CPA6: variants seen among roughly 807,000 people sequenced by gnomAD.
CPA6 encodes carboxypeptidase B.
Under a neutral mutation model 63.3 loss-of-function variants are expected in CPA6, and 58 were observed. The observed-to-expected ratio is 0.92, with a 90% CI of 0.74 to 1.14. The LOEUF is 1.14. CPA6 is among the 50% of genes most tolerant of loss of function. The pLI is 0.00. For synonymous variants in CPA6, 185 were observed against 179.0 expected (o/e 1.03, Z -0.27); for missense variants, 565 against 526.6 (o/e 1.07, Z -0.71).
chr8:67,692,328 CAAAA>C (rs55676882), intron 1 of CPA6, among the ~76,000 whole-genome samples: 44,254 of 89,104 alleles, frequency 0.5, 8,535 homozygotes, highest in African/African-American at 0.68. Flanking sequence ...AATCCTGTCT[CAAAA>C]AAAAAAAAAA....
At chr8:67,629,844 C>T (rs989373215) in intron 1 of CPA6, among the ~76,000 whole-genome samples, 7 of 152,160 alleles carry the variant, frequency 4.6e-5, no homozygotes, top group South Asian at 2.1e-4. Context: ...TGGTGGCTCA[C>T]ACCTGTAATC....
chr8:67,677,662 G>T (rs1207815893), intron 1 of CPA6, among the ~76,000 whole-genome samples: 1 of 152,036 alleles, frequency 6.6e-6, no homozygotes, highest in Non-Finnish European at 1.5e-5. Flanking sequence ...AGATACAAGT[G>T]TAAAGATATA....
rs1027036161 is a variant in CPA6, at chr8:67,616,426, T to C, written c.192+7750A>G. Among the ~76,000 whole-genome samples the C allele has an allele frequency of 9.2e-5, 14 of 152,024 alleles. No homozygotes were observed. The East Asian group carries it at 2.7e-3, about 29-fold the overall frequency. ...CTAAAGATGATCAGGGCCAGAACTA[T>C]AGAAGTGGCCTTAAGACTGCAGAGG... On this transcript the variant is annotated intron_variant, in intron 2 of 10. Transcript: ENST00000297770.
At chr8:67,596,531 CT>C (rs547099824) in intron 2 of CPA6, among the ~76,000 whole-genome samples, 14,849 of 141,660 alleles carry the variant, frequency 0.1, 768 homozygotes, top group Middle Eastern at 0.19. Context: ...GAATTTATTT[CT>C]TTTTTTTTTT....
chr8:67,624,890 G>A lies in CPA6; in HGVS notation c.117-639C>T, dbSNP rs1815162115. Among the ~76,000 whole-genome samples the A allele has an allele frequency of 1.3e-5, 2 of 152,098 alleles. 1 individual carries two copies. Among genetic ancestry groups the A allele is most frequent in the Non-Finnish European group, 2.9e-5 (2 of 68,014 alleles). On this transcript the variant is annotated intron_variant, in intron 1 of 10. Transcript: ENST00000297770. Reference sequence around the variant, plus strand: ...TACAACTGTTACCAAAACACCAGGGGTTTGGTCTAGGTCCTGCTGCTTTCT... The same window carrying A: ...TACAACTGTTACCAAAACACCAGGGATTTGGTCTAGGTCCTGCTGCTTTCT...
intron 6 of CPA6, 89 bp downstream of exon 6, chr8:67,506,698 G>C: frequency 1.2e-6 from 1 of 819,396 alleles, no homozygotes; most frequent in Non-Finnish European, 2.1e-6. Context: ...GGTATCATTG[G>C]TTTCAAATTC....
chr8:67,594,780 T>C (rs1242123965), intron 2 of CPA6, among the ~76,000 whole-genome samples: 2 of 152,162 alleles, frequency 1.3e-5, no homozygotes, highest in African/African-American at 2.4e-5. Flanking sequence ...TATACATTTG[T>C]CTAAATTTTT....
intron 1 of CPA6, among the ~76,000 whole-genome samples, chr8:67,721,954 A>G (rs186918308): frequency 9.8e-4 from 150 of 152,324 alleles, no homozygotes; most frequent in Non-Finnish European, 1.6e-3. Flanking sequence ...CGGCCAGTCA[A>G]TGGAAGCCAA....
At chr8:67,715,881 C>T (rs748583379) in intron 1 of CPA6, among the ~76,000 whole-genome samples, 7 of 152,072 alleles carry the variant, frequency 4.6e-5, no homozygotes, top group African/African-American at 1.7e-4. Flanking sequence ...GGGCAGGGCG[C>T]GGTGGCTCAG....
intron 1 of CPA6, among the ~76,000 whole-genome samples, chr8:67,653,538 C>T (rs1815900999): frequency 6.6e-6 from 1 of 151,694 alleles, no homozygotes; most frequent in Middle Eastern, 3.2e-3. Context: ...ATTTGGCTCT[C>T]TGTTTGTCTG....
At chr8:67,620,746 C>T (rs1193164413) in intron 2 of CPA6, among the ~76,000 whole-genome samples, 2 of 152,106 alleles carry the variant, frequency 1.3e-5, no homozygotes, top group Non-Finnish European at 2.9e-5. Context: ...AGAAATTTAT[C>T]GAAACTCAAT....
At chr8:67,436,496 A>G (rs1279583155) in intron 8 of CPA6, among the ~76,000 whole-genome samples, 1 of 152,020 alleles carries the variant, frequency 6.6e-6, no homozygotes, top group African/African-American at 2.4e-5. Flanking sequence ...AGATACAAAT[A>G]TTGATATAGC....
At chr8:67,733,023 C>A (rs915505301) in intron 1 of CPA6, among the ~76,000 whole-genome samples, 1 of 151,446 alleles carries the variant, frequency 6.6e-6, no homozygotes, top group Non-Finnish European at 1.5e-5. Context: ...GGTGAAACCC[C>A]GTCTCTACTA....
chr8:67,511,004 A>G (rs186846258), intron 4 of CPA6, among the ~76,000 whole-genome samples: 2 of 152,206 alleles, frequency 1.3e-5, no homozygotes, highest in Admixed American at 1.3e-4. Context: ...TGAGATTTGC[A>G]GAACAACAAC....
chr8:67,633,910 T>C (rs1815403344), intron 1 of CPA6, among the ~76,000 whole-genome samples: 1 of 151,446 alleles, frequency 6.6e-6, no homozygotes, highest in South Asian at 2.1e-4. Context: ...TCCTCCTTCT[T>C]TCTCCATGTT....
intron 2 of CPA6, among the ~76,000 whole-genome samples, chr8:67,605,531 CTTT>C (rs68153641): frequency 0.16 from 20,303 of 125,284 alleles, 1,487 homozygotes; most frequent in East Asian, 0.41. Context: ...TATTGTATTG[CTTT>C]TTTTTTTTTT....
At chr8:67,703,554 T>C (rs1415620448) in intron 1 of CPA6, among the ~76,000 whole-genome samples, 2 of 152,252 alleles carry the variant, frequency 1.3e-5, no homozygotes, top group Non-Finnish European at 2.9e-5. Flanking sequence ...GCTTCTTCTT[T>C]GCTTTTACTT....
At chr8:67,627,705 G>C (rs1246919800) in intron 1 of CPA6, among the ~76,000 whole-genome samples, 2 of 152,134 alleles carry the variant, frequency 1.3e-5, no homozygotes, top group African/African-American at 4.8e-5. Flanking sequence ...TAGTCTCCCA[G>C]GAATTACTAA....
At chr8:67,477,393 T>C (rs1297153383) in intron 8 of CPA6, among the ~76,000 whole-genome samples, 1 of 151,882 alleles carries the variant, frequency 6.6e-6, no homozygotes, top group Non-Finnish European at 1.5e-5. Flanking sequence ...CTTTGTTAGA[T>C]ATTAGGTAAT....
Sources: allele counts gnomAD v4.1 joint callset (sites outside exome capture counted in the v4.1 genomes callset), GRCh38; gene constraint gnomAD v4.1.1; transcripts MANE v1.5; gene names NCBI Gene and HGNC (gene_info 2026-07-23, HGNC 2026-07-21).